Variants in ZNF367 observed in about 807,000 individuals in gnomAD.
ZNF367 encodes zinc finger protein 367.
In ZNF367, 11 loss-of-function variants were observed where a neutral mutation model predicts 31.8. The observed-to-expected ratio is 0.35, with a 90% CI of 0.22 to 0.57. The LOEUF (loss-of-function observed/expected upper bound fraction) is 0.57. Ranked by LOEUF, ZNF367 falls within the 20% of genes least tolerant of loss-of-function variation. The probability of loss-of-function intolerance (pLI) is 0.85; values close to 1 mark genes in which losing one functional copy is unlikely to be tolerated. For missense variants in ZNF367, 353 were observed against 484.1 expected, an observed-to-expected ratio of 0.73 and a Z score of 2.54; for synonymous variants, 199 against 202.4, an observed-to-expected ratio of 0.98 and a Z score of 0.14.
chr9:96,415,658 C>T (rs1480760908), intron 1 of ZNF367, among the ~76,000 whole-genome samples: 2 of 151,342 alleles, frequency 1.3e-5, no homozygotes, highest in Admixed American at 6.6e-5. Context: ...CCACCACGTC[C>T]GGCGAATTTT....
chr9:96,417,664 C>T lies in ZNF367; in HGVS notation c.369G>A (p.Ser123=), dbSNP rs1426212547. 2.0e-6 allele frequency: 2 copies of T among 1,024,408 alleles called. No homozygotes were observed. The highest frequency in any genetic ancestry group is 2.5e-6 in the Non-Finnish European group (2 of 806,500). The allele number at this position is 1,024,408 out of a possible 1,614,324, so 63.5% of individuals were successfully genotyped here. ...PPAASASAAA[S]GGEDEEEASS... is the part of the protein sequence containing the mutation. ...TCGCTTCCTCCTCGTCCTCACCTCC[C>T]GAGGCGGCGGCGGAGGCCGAGGCGG... The change falls in exon 1 of 5, where the codon TCG becomes TCA. Residue 123 remains serine (S), a synonymous_variant. Transcript: ENST00000375256. The surrounding 1 kb of genome is among the most constrained non-coding windows in gnomAD (Gnocchi z 5.0).
At chr9:96,391,231 C>T (rs1831468831) in intron 4 of ZNF367, among the ~76,000 whole-genome samples, 1 of 152,192 alleles carries the variant, frequency 6.6e-6, no homozygotes, top group African/African-American at 2.4e-5. Context: ...ACAAATATCC[C>T]TGCCCGGGGA....
In ZNF367 at chr9:96,392,457, C is replaced by T. The variant is rs371018939; in HGVS notation, c.771G>A (p.Thr257=). 1.5e-5 allele frequency: 25 copies of T among 1,613,986 alleles called. No individual in the cohort carries two copies. The highest frequency in any genetic ancestry group is 1.9e-5 in the Non-Finnish European group (22 of 1,179,992). The change falls in exon 4 of 5, where the codon ACG becomes ACA. Residue 257 remains threonine, a synonymous_variant. Transcript: ENST00000375256. ...PYARLKREEP[T]DTLSKHQAAD... Reference sequence around the variant, plus strand: ...CAGCCTGATGTTTGCTGAGTGTGTCCGTGGGCTCCTCTCTCTTCAGCCTGG... The same window carrying T: ...CAGCCTGATGTTTGCTGAGTGTGTCTGTGGGCTCCTCTCTCTTCAGCCTGG...
At chr9:96,389,036 C>T (rs1389575112) in intron 4 of ZNF367, among the ~76,000 whole-genome samples, 1 of 152,160 alleles carries the variant, frequency 6.6e-6, no homozygotes, top group Non-Finnish European at 1.5e-5. Flanking sequence ...CAGTGGCTCA[C>T]GCCTGTAATC....
At chr9:96,392,358 C>G in intron 4 of ZNF367, 40 bp downstream of exon 4, 1 of 1,613,874 alleles carries the variant, frequency 6.2e-7, no homozygotes, top group Non-Finnish European at 8.5e-7. Flanking sequence ...CCAGCCCGCG[C>G]TGTGCATCTT....
intron 1 of ZNF367, among the ~76,000 whole-genome samples, chr9:96,404,364 G>A (rs554386944): frequency 6.6e-6 from 1 of 152,226 alleles, no homozygotes; most frequent in South Asian, 2.1e-4. Flanking sequence ...AGAGGCTGAG[G>A]CGAGTGGATT....
chr9:96,415,562 A>G (rs1348577354), intron 1 of ZNF367, among the ~76,000 whole-genome samples: 2 of 122,790 alleles, frequency 1.6e-5, no homozygotes, highest in Non-Finnish European at 3.1e-5. Context: ...CAATGGCGCA[A>G]TCTCGGCTCA....
At chr9:96,404,622 C>T (rs951345258) in intron 1 of ZNF367, among the ~76,000 whole-genome samples, 1 of 142,860 alleles carries the variant, frequency 7.0e-6, no homozygotes, top group Non-Finnish European at 1.5e-5. Context: ...GGCAACAAAG[C>T]GAGCCTCCGT....
In ZNF367 at chr9:96,398,961, T is replaced by C. The variant is rs561854152; in HGVS notation, c.421-647A>G. Reference sequence around the variant, plus strand: ...CAGAGAGGTGTCTCTTCAGAGGGTATTGCTCAAAAAACTTGTAAGGCAAAT... The same window carrying C: ...CAGAGAGGTGTCTCTTCAGAGGGTACTGCTCAAAAAACTTGTAAGGCAAAT... On this transcript the variant is annotated intron_variant, in intron 1 of 4. Coordinates refer to ENST00000375256, the MANE Select transcript of ZNF367 (RefSeq NM_153695.4). 5.9e-5 allele frequency among the ~76,000 whole-genome samples: 9 copies of C among 152,264 alleles called. No individual in the cohort carries two copies. The South Asian group carries it at 1.9e-3, about 32-fold the overall frequency.
intron 4 of ZNF367, among the ~76,000 whole-genome samples, chr9:96,388,842 G>A (rs757560930): frequency 2.0e-5 from 3 of 152,184 alleles, no homozygotes; most frequent in African/African-American, 4.8e-5. Flanking sequence ...TTCTGACAGC[G>A]TTAACGCTGT....
intron 1 of ZNF367, among the ~76,000 whole-genome samples, chr9:96,402,890 G>A (rs1831625970): frequency 6.6e-6 from 1 of 151,926 alleles, no homozygotes; most frequent in Non-Finnish European, 1.5e-5. Context: ...AAGACTGAAA[G>A]CATTCCAAGT....
chr9:96,394,305 A>C (rs1159489166), intron 3 of ZNF367, among the ~76,000 whole-genome samples: 1 of 152,180 alleles, frequency 6.6e-6, no homozygotes, highest in Admixed American at 6.6e-5. Context: ...ACTCGTGGAG[A>C]TAGACAGTAG....
chr9:96,417,547 C>A lies in ZNF367; in HGVS notation c.420+66G>T. The A allele has an allele frequency of 3.1e-6, 1 of 321,540 alleles. No homozygotes were observed. The highest frequency in any genetic ancestry group is 5.6e-6 in the Non-Finnish European group (1 of 179,520). 19.9% of individuals were successfully genotyped at this position (321,540 alleles called of 1,614,324 possible). A position where few individuals can be genotyped will look rare whatever the true frequency, so the allele number is the denominator to read the frequency against. On this transcript the variant is annotated intron_variant, in intron 1 of 4. Coordinates refer to ENST00000375256, the MANE Select transcript of ZNF367 (RefSeq NM_153695.4). The surrounding 1 kb of genome is among the most constrained non-coding windows in gnomAD (Gnocchi z 5.0). ...CCTCGCGTTTTCAACTCCGCCCCGC[C>A]CGCCGCACCGTTAACGGGCCCCGGC...
At position 96,417,782 on chromosome 9, in the gene ZNF367, G is replaced by A; in HGVS notation, c.251C>T (p.Pro84Leu). 1 of 1,308,050 alleles carries A rather than the reference G, an allele frequency of 7.6e-7. No homozygotes were observed. Among genetic ancestry groups the A allele is most frequent in the Non-Finnish European group, 9.8e-7 (1 of 1,025,556 alleles). 81.0% of individuals were successfully genotyped at this position (1,308,050 alleles called of 1,614,324 possible). A position where few individuals can be genotyped will look rare whatever the true frequency, so the allele number is the denominator to read the frequency against. ...GENAHNVTLS[P>L]GAAGAAASAA... ...CGAGGCGGCGGCCCCCGCGGCCCCA[G>A]GGCTGAGCGTCACGTTGTGTGCGTT... is the stretch of plus-strand genomic sequence containing the variant. Residue 84 changes from proline (P) to leucine (L), a missense_variant, in exon 1 of 5, where the codon CCT (proline) becomes CTT (leucine). Pro to Leu is a moderately conservative substitution (Grantham distance 98). Coordinates refer to ENST00000375256, the MANE Select transcript of ZNF367 (RefSeq NM_153695.4). The surrounding 1 kb of genome is among the most constrained non-coding windows in gnomAD (Gnocchi z 5.0).
intron 1 of ZNF367, chr9:96,407,869 G>C: frequency 3.6e-6 from 2 of 560,516 alleles, no homozygotes; most frequent in South Asian, 4.3e-5. Context: ...GCCTCCCAAA[G>C]TGCTGGAATT....
At chr9:96,389,050 G>A (rs944291754) in intron 4 of ZNF367, among the ~76,000 whole-genome samples, 2 of 152,208 alleles carry the variant, frequency 1.3e-5, no homozygotes, top group African/African-American at 4.8e-5. Context: ...TGTAATCCTA[G>A]CACTTTGGGA....
chr9:96,406,048 T>C (rs1831667617), intron 1 of ZNF367, among the ~76,000 whole-genome samples: 1 of 152,260 alleles, frequency 6.6e-6, no homozygotes, highest in Admixed American at 6.5e-5. Flanking sequence ...TAGTGTAAGA[T>C]GTTAACAGGG....
At chr9:96,411,044 A>C (rs1055372717) in intron 1 of ZNF367, among the ~76,000 whole-genome samples, 6 of 151,998 alleles carry the variant, frequency 3.9e-5, no homozygotes, top group African/African-American at 1.2e-4. Flanking sequence ...AAAAAAAAAA[A>C]AAAACATAGC....
At chr9:96,392,586 A>T (rs747162965) in intron 3 of ZNF367, 50 bp from the exon 4 acceptor site, 1 of 1,537,188 alleles carries the variant, frequency 6.5e-7, no homozygotes, top group Admixed American at 2.1e-5. Flanking sequence ...TCCAGCACAT[A>T]GACATGTGGA....
Sources: gnomAD v4.1 joint callset for allele counts (sites outside exome capture counted in the v4.1 genomes callset) on GRCh38, gnomAD v4.1.1 for gene constraint, Gnocchi (gnomAD v3.1) non-coding constraint, MANE v1.5 for transcripts, NCBI Gene and HGNC (gene_info 2026-07-23, HGNC 2026-07-21) for gene names.